Variants in FANCL observed in about 807,000 individuals in gnomAD.
The protein encoded by FANCL is FA complementation group L, also known as E3 ubiquitin-protein ligase FANCL.
In FANCL, 69 loss-of-function variants were observed where a neutral mutation model predicts 59.4. That is an observed-to-expected ratio of 1.16 (90% CI 0.96 to 1.42). The LOEUF (loss-of-function observed/expected upper bound fraction) is 1.42, where lower values mean the gene tolerates loss of function less well. Ranked by LOEUF, FANCL falls within the 40% of genes most tolerant of loss-of-function variation. FANCL has a pLI of 0.00. For synonymous variants in FANCL, 180 were observed against 147.1 expected (o/e 1.22, Z -1.62); for missense variants, 519 against 447.2 (o/e 1.16, Z -1.45).
At chr2:58,193,732 C>T (rs1317333006) in intron 7 of FANCL, among the ~76,000 whole-genome samples, 2 of 152,114 alleles carry the variant, frequency 1.3e-5, no homozygotes, top group Non-Finnish European at 2.9e-5. Context: ...GTCAAAAGAA[C>T]TTCCACAGGA....
intron 5 of FANCL, among the ~76,000 whole-genome samples, chr2:58,219,140 T>TAAAAAAAAAAAAAAAAAAA (rs70954881): frequency 6.0e-5 from 1 of 16,604 alleles, no homozygotes; most frequent in Admixed American, 1.3e-3. Context: ...AAATACATGC[T>TAAAAAAAAAAAAAAAAAAA]AAAAAAAAAA....
At chr2:58,161,702 T>G in intron 11 of FANCL, 64 bp from the exon 12 acceptor site, 1 of 1,053,922 alleles carries the variant, frequency 9.5e-7, no homozygotes. Flanking sequence ...TGTACATATT[T>G]GGGAGGGTAT....
rs545017217 is a variant in FANCL at position 58,173,235 on chromosome 2, T to G, written c.541-7361A>C. Among the ~76,000 whole-genome samples the G allele has an allele frequency of 2.0e-5, 3 of 152,294 alleles. No individual in the cohort carries two copies. In the South Asian group the frequency reaches 6.2e-4, roughly 32 times the overall value. ...TCTGCAGGATATTATCCAGGAGAACTTCCCCAATCTAGCAAGGCAGGCCAA... is the reference window on the plus strand; with the variant it reads ...TCTGCAGGATATTATCCAGGAGAACGTCCCCAATCTAGCAAGGCAGGCCAA... On this transcript the variant is annotated intron_variant, in intron 7 of 13. Transcript: ENST00000233741.
At chr2:58,198,739 T>C (rs1689688488) in intron 6 of FANCL, 77 bp from the exon 7 acceptor site, 3 of 1,198,096 alleles carry the variant, frequency 2.5e-6, no homozygotes, top group African/African-American at 1.5e-5. Flanking sequence ...AAAAACTAGA[T>C]GTATTAGGGG....
chr2:58,160,229 C>CAGAT (rs1684923257), intron 12 of FANCL, 50 bp from the exon 13 acceptor site: 1 of 1,532,960 alleles, frequency 6.5e-7, no homozygotes, highest in Non-Finnish European at 9.0e-7. Context: ...TTACAAATTA[C>CAGAT]AGATACTCCA....
chr2:58,188,923 C>A (rs994903153), intron 7 of FANCL, among the ~76,000 whole-genome samples: 1 of 151,934 alleles, frequency 6.6e-6, no homozygotes, highest in African/African-American at 2.4e-5. Context: ...TCAATACTTA[C>A]CAAAAAAAGA....
chr2:58,198,932 G>C (rs937235259), intron 6 of FANCL, among the ~76,000 whole-genome samples: 3 of 151,798 alleles, frequency 2.0e-5, no homozygotes, highest in African/African-American at 7.3e-5. Flanking sequence ...GGGAGGCTGA[G>C]GCAGGAGAAT....
chr2:58,198,790 G>A (rs1424135242), intron 6 of FANCL, 128 bp from the exon 7 acceptor site: 5 of 686,308 alleles, frequency 7.3e-6, no homozygotes, highest in Admixed American at 4.4e-5. Context: ...AGCACTTTGG[G>A]AGGCCGAGGC....
intron 7 of FANCL, among the ~76,000 whole-genome samples, chr2:58,180,864 C>G (rs184997403): frequency 6.6e-6 from 1 of 151,532 alleles, no homozygotes; most frequent in African/African-American, 2.4e-5. Flanking sequence ...GAAATCGAAA[C>G]TTTTCAGAAA....
chr2:58,201,246 G>T (rs575483324), intron 6 of FANCL, among the ~76,000 whole-genome samples: 40 of 151,292 alleles, frequency 2.6e-4, no homozygotes, highest in Non-Finnish European at 5.6e-4. Context: ...CCTTTCAAAA[G>T]TAATTTACAA....
At chr2:58,217,187 TATA>T (rs1691867719) in intron 5 of FANCL, among the ~76,000 whole-genome samples, 4 of 7,598 alleles carry the variant, frequency 5.3e-4, no homozygotes, top group African/African-American at 5.0e-3. Flanking sequence ...TATATATATA[TATA>T]TATATATATA....
At chr2:58,179,405 A>G (rs80225324) in intron 7 of FANCL, among the ~76,000 whole-genome samples, 12,727 of 152,030 alleles carry the variant, frequency 0.084, 1,037 homozygotes, top group African/African-American at 0.21. Context: ...CAATGGAACA[A>G]AACAGAGGCC....
intron 1 of FANCL, among the ~76,000 whole-genome samples, chr2:58,233,563 G>A (rs1376431606): frequency 6.6e-6 from 1 of 151,868 alleles, no homozygotes; most frequent in East Asian, 1.9e-4. Context: ...AAAATCCCAT[G>A]TTTTCAGCCA....
intron 7 of FANCL, among the ~76,000 whole-genome samples, chr2:58,195,331 T>TA (rs1488713043): frequency 2.0e-5 from 3 of 152,184 alleles, no homozygotes; most frequent in East Asian, 3.8e-4. Context: ...AAATGATATA[T>TA]TTTTTAAACT....
chr2:58,167,981 AAAAT>A (rs1390036875), intron 7 of FANCL, among the ~76,000 whole-genome samples: 1 of 152,224 alleles, frequency 6.6e-6, no homozygotes, highest in African/African-American at 2.4e-5. Context: ...CAAATTGAAA[AAAAT>A]AAATTATTTC....
At position 58,217,818 on chromosome 2, in the gene FANCL, T is replaced by C. The variant is rs1692003049; in HGVS notation, c.374+4124A>G. Among the ~76,000 whole-genome samples, 4 of 151,672 alleles carry C rather than the reference T, an allele frequency of 2.6e-5. No individual in the cohort carries two copies. In the South Asian group the frequency reaches 8.3e-4, roughly 32 times the overall value. On this transcript the variant is annotated intron_variant, in intron 5 of 13. Transcript: ENST00000233741. ...AAAAAAAAAAATAAATCATTAAACA[T>C]ATTGGATATCTGACACACATAATTA...
chr2:58,196,464 C>T (rs1441201264), intron 7 of FANCL, among the ~76,000 whole-genome samples: 3 of 151,852 alleles, frequency 2.0e-5, no homozygotes, highest in South Asian at 2.1e-4. Flanking sequence ...CTCATTACTA[C>T]GAATTCTACA....
intron 5 of FANCL, among the ~76,000 whole-genome samples, chr2:58,205,061 T>C (rs1018418181): frequency 3.3e-5 from 5 of 152,072 alleles, no homozygotes; most frequent in African/African-American, 4.8e-5. Flanking sequence ...GCTATTCTCT[T>C]ATAAAGATAA....
At chr2:58,236,867 A>T (rs1245385538) in intron 1 of FANCL, among the ~76,000 whole-genome samples, 1 of 152,186 alleles carries the variant, frequency 6.6e-6, no homozygotes, top group Non-Finnish European at 1.5e-5. Flanking sequence ...AAAGATAAAA[A>T]AGGTCATTTC....
Sources: gnomAD v4.1 joint callset for allele counts (sites outside exome capture counted in the v4.1 genomes callset) on GRCh38, gnomAD v4.1.1 for gene constraint, MANE v1.5 for transcripts, NCBI Gene and HGNC (gene_info 2026-07-23, HGNC 2026-07-21) for gene names.